The following TCF12 variants were observed in gnomAD, a reference collection of about 807,000 sequenced individuals.
The protein encoded by TCF12 is DNA-binding protein HTF4.
A neutral mutation model predicts 86.0 loss-of-function variants in TCF12; 45 were observed. That is an observed-to-expected ratio of 0.52 (90% CI 0.41 to 0.67). The LOEUF is 0.67. TCF12 is among the 30% of genes least tolerant of loss of function. TCF12 has a pLI of 0.00. For synonymous variants in TCF12, 330 were observed against 299.6 expected (o/e 1.10, Z -1.05); for missense variants, 881 against 859.9 (o/e 1.02, Z -0.31).
At chr15:56,960,632 G>A (rs1188868640) in intron 3 of TCF12, among the ~76,000 whole-genome samples, 2 of 151,690 alleles carry the variant, frequency 1.3e-5, no homozygotes, top group Non-Finnish European at 2.9e-5. Flanking sequence ...GTTTCACCAT[G>A]TTGGCCAGGC....
At chr15:57,118,070 G>T (rs2050964371) in intron 5 of TCF12, among the ~76,000 whole-genome samples, 1 of 152,144 alleles carries the variant, frequency 6.6e-6, no homozygotes, top group South Asian at 2.1e-4. Flanking sequence ...AATTGGCTCT[G>T]CAGTGTCTAG....
chr15:57,012,332 C>T (rs1299350637), intron 3 of TCF12, among the ~76,000 whole-genome samples: 1 of 151,974 alleles, frequency 6.6e-6, no homozygotes, highest in Non-Finnish European at 1.5e-5. Context: ...ATGTTCATAA[C>T]TTGGTATGTA....
chr15:56,966,527 G>A (rs1261746430), intron 3 of TCF12, among the ~76,000 whole-genome samples: 1 of 152,178 alleles, frequency 6.6e-6, no homozygotes, highest in Non-Finnish European at 1.5e-5. Context: ...TTGTGGAGAA[G>A]AATGCATGAG....
At chr15:57,154,459 T>C (rs2053980169) in intron 5 of TCF12, among the ~76,000 whole-genome samples, 1 of 152,172 alleles carries the variant, frequency 6.6e-6, no homozygotes, top group African/African-American at 2.4e-5. Flanking sequence ...GAACAAGGAA[T>C]AGGCAGGCTA....
intron 3 of TCF12, among the ~76,000 whole-genome samples, chr15:57,030,461 G>A (rs2066099144): frequency 1.3e-5 from 2 of 152,120 alleles, no homozygotes; most frequent in Non-Finnish European, 2.9e-5. Context: ...GTGTTGCCCA[G>A]GCTGTTCTCA....
chr15:56,921,132 T>A (rs779657409), intron 3 of TCF12, 34 bp downstream of exon 3: 1 of 1,541,958 alleles, frequency 6.5e-7, no homozygotes, highest in Admixed American at 1.8e-5. Context: ...GACTCATATT[T>A]TGGTGGTGTG....
chr15:57,104,838 C>T (rs1056107595), intron 5 of TCF12, among the ~76,000 whole-genome samples: 2 of 133,080 alleles, frequency 1.5e-5, no homozygotes, highest in African/African-American at 5.6e-5. Context: ...CTTTTCTCAT[C>T]TATCTTGCTG....
intron 3 of TCF12, among the ~76,000 whole-genome samples, chr15:57,018,366 C>G (rs1228070625): frequency 6.6e-6 from 1 of 152,210 alleles, no homozygotes; most frequent in East Asian, 1.9e-4. Context: ...CAATAGCAAG[C>G]AGTTTCAACA....
At chr15:57,185,263 G>A (rs974111199) in intron 6 of TCF12, among the ~76,000 whole-genome samples, 2 of 152,148 alleles carry the variant, frequency 1.3e-5, no homozygotes, top group South Asian at 2.1e-4. Context: ...CCTTTGGCTG[G>A]TTTAGTACAT....
intron 19 of TCF12, among the ~76,000 whole-genome samples, chr15:57,275,727 C>G (rs1195727899): frequency 1.3e-5 from 2 of 152,162 alleles, no homozygotes; most frequent in African/African-American, 4.8e-5. Flanking sequence ...TGGGCATCCT[C>G]TGCACTCTGG....
chr15:56,967,084 T>C (rs1439169786), intron 3 of TCF12, among the ~76,000 whole-genome samples: 1 of 152,160 alleles, frequency 6.6e-6, no homozygotes, highest in Non-Finnish European at 1.5e-5. Context: ...ATCGTGCCAC[T>C]GCACTCCAGC....
chr15:57,004,237 C>CTT (rs200302099), intron 3 of TCF12, among the ~76,000 whole-genome samples: 99 of 144,294 alleles, frequency 6.9e-4, no homozygotes, highest in African/African-American at 2.5e-3. Flanking sequence ...TTCTTTCTTT[C>CTT]TTTTTTTTTT....
At chr15:57,219,566 G>C (rs764369645) in intron 8 of TCF12, 2 of 1,613,432 alleles carry the variant, frequency 1.2e-6, no homozygotes, top group East Asian at 2.2e-5. Flanking sequence ...GCAATTCTTT[G>C]ATGTATTACT....
intron 5 of TCF12, among the ~76,000 whole-genome samples, chr15:57,140,157 G>A (rs1192169678): frequency 2.0e-5 from 3 of 152,130 alleles, no homozygotes; most frequent in Non-Finnish European, 4.4e-5. Context: ...GTAACCAAGT[G>A]TGTGTTGATG....
intron 18 of TCF12, among the ~76,000 whole-genome samples, chr15:57,265,119 ATAGTATAGTATAG>A (rs2060800707): frequency 7.7e-6 from 1 of 129,900 alleles, no homozygotes; most frequent in African/African-American, 2.7e-5. Flanking sequence ...ATAGTATAGT[ATAGTATAGTATAG>A]TATAAATACA....
chr15:57,223,503 C>G (rs2058698748), intron 8 of TCF12, among the ~76,000 whole-genome samples: 1 of 151,920 alleles, frequency 6.6e-6, no homozygotes, highest in Admixed American at 6.6e-5. Flanking sequence ...TGTGGTTAGT[C>G]AAGCAAATTT....
chr15:57,014,973 G>A (rs1380269986), intron 3 of TCF12, among the ~76,000 whole-genome samples: 3 of 151,528 alleles, frequency 2.0e-5, no homozygotes, highest in Non-Finnish European at 2.9e-5. Flanking sequence ...GTCTGAGGAG[G>A]AGATTATTAT....
chr15:57,045,509 C>G (rs139870993), intron 3 of TCF12, among the ~76,000 whole-genome samples: 150 of 152,038 alleles, frequency 9.9e-4, no homozygotes, highest in African/African-American at 3.3e-3. Context: ...ATAAGTCATT[C>G]ATGTTGAGGA....
At chr15:57,249,900 T>G (rs2060028924) in intron 13 of TCF12, among the ~76,000 whole-genome samples, 1 of 152,206 alleles carries the variant, frequency 6.6e-6, no homozygotes, top group African/African-American at 2.4e-5. Context: ...TTTTGATCAG[T>G]TGTTTTTGTC....
Sources: gnomAD v4.1 joint callset for allele counts (sites outside exome capture counted in the v4.1 genomes callset) on GRCh38, gnomAD v4.1.1 for gene constraint, MANE v1.5 for transcripts, NCBI Gene and HGNC (gene_info 2026-07-23, HGNC 2026-07-21) for gene names.